The following SH3RF2 variants were observed in gnomAD, a reference collection of about 807,000 sequenced individuals.
SH3RF2 encodes the protein SH3 domain containing ring finger 2.
In SH3RF2, 43 loss-of-function variants were observed where a neutral mutation model predicts 59.0. The ratio of observed to expected loss-of-function variants is 0.73; its 90% CI spans 0.57 to 0.94. The LOEUF (loss-of-function observed/expected upper bound fraction) is 0.94, where lower values mean the gene tolerates loss of function less well. Ranked by LOEUF, SH3RF2 falls within the 40% of genes least tolerant of loss-of-function variation. The probability of loss-of-function intolerance (pLI) is 0.00; values close to 1 mark genes in which losing one functional copy is unlikely to be tolerated. For synonymous variants in SH3RF2, 391 were observed against 391.5 expected (o/e 1.00, Z 0.01); for missense variants, 930 against 940.1 (o/e 0.99, Z 0.14).
intron 5 of SH3RF2, among the ~76,000 whole-genome samples, chr5:146,038,875 G>A (rs11167927): frequency 0.28 from 43,150 of 152,186 alleles, 7,751 homozygotes; most frequent in Non-Finnish European, 0.38. Flanking sequence ...GAAGAAGATG[G>A]AATTTGGTTG....
intron 4 of SH3RF2, among the ~76,000 whole-genome samples, chr5:146,010,411 G>T (rs1353920963): frequency 6.6e-6 from 1 of 152,278 alleles, no homozygotes; most frequent in East Asian, 1.9e-4. Flanking sequence ...GGATGGCTGG[G>T]TCAAATGGTA....
At chr5:146,061,684 TAGG>T (rs1294331883) in intron 9 of SH3RF2, among the ~76,000 whole-genome samples, 3 of 152,104 alleles carry the variant, frequency 2.0e-5, no homozygotes, top group African/African-American at 7.2e-5. Flanking sequence ...TATAACAGGC[TAGG>T]AGATGTGAAA....
chr5:145,989,231 C>T (rs1015133638), intron 2 of SH3RF2, among the ~76,000 whole-genome samples: 5 of 152,176 alleles, frequency 3.3e-5, no homozygotes, highest in Admixed American at 3.3e-4. Context: ...AGTATGGAAC[C>T]TTTGTGTAAG....
At chr5:146,055,674 G>T in intron 7 of SH3RF2, 1 of 366,652 alleles carries the variant, frequency 2.7e-6, no homozygotes, top group Non-Finnish European at 4.9e-6. Context: ...AAAGGGATGT[G>T]GGGTGAGGAA....
intron 2 of SH3RF2, among the ~76,000 whole-genome samples, chr5:145,953,719 C>T (rs1758283982): frequency 6.6e-6 from 1 of 152,146 alleles, no homozygotes; most frequent in Admixed American, 6.5e-5. Context: ...TATCCTCCAC[C>T]TTCGAGTAGA....
Position 145,937,899 on chromosome 5 carries a change from T to A in SH3RF2, c.-30T>A, listed in dbSNP as rs745692208. 2 of 1,590,658 alleles carry A rather than the reference T, an allele frequency of 1.3e-6. No homozygotes were observed. The highest frequency in any genetic ancestry group is 1.7e-6 in the Non-Finnish European group (2 of 1,168,106). Reference sequence around the variant, plus strand: ...GACCCTACCATGTGGACGCTGCTCCTCCAGGTGGGAACTGGAGTTTTGAAA... The same window carrying A: ...GACCCTACCATGTGGACGCTGCTCCACCAGGTGGGAACTGGAGTTTTGAAA... On this transcript the variant is annotated 5_prime_UTR_variant, in exon 2 of 10. Coordinates refer to ENST00000359120, the MANE Select transcript of SH3RF2 (RefSeq NM_152550.4).
intron 2 of SH3RF2, among the ~76,000 whole-genome samples, chr5:145,957,414 T>C (rs561028908): frequency 6.6e-6 from 1 of 152,160 alleles, no homozygotes; most frequent in African/African-American, 2.4e-5. Flanking sequence ...TAAGAGTAAA[T>C]TGAAAGTGGA....
At position 146,074,298 on chromosome 5, in the gene SH3RF2, A is replaced by G. The variant is rs145065876; in HGVS notation, c.*34-4162A>G. 3.3e-5 allele frequency among the ~76,000 whole-genome samples: 5 copies of G among 152,268 alleles called. No individual in the cohort carries two copies. In the East Asian group the frequency reaches 9.6e-4, roughly 29 times the overall value. On this transcript the variant is annotated intron_variant, in intron 9 of 9. Transcript: ENST00000511217. ...TTTATCATACAATAAGTATTTGTTG[A>G]ATGAACAATTGGAGAATAAATGAAT...
In SH3RF2 at chr5:146,010,402, G is replaced by C. The variant is rs1014829574; in HGVS notation, c.745-3345G>C. Among the ~76,000 whole-genome samples, 3 of 152,162 alleles carry C rather than the reference G, an allele frequency of 2.0e-5. 1 individual carries two copies. Among genetic ancestry groups the C allele is most frequent in the African/African-American group, 7.2e-5 (3 of 41,428 alleles). ...CCTTTGGTTATATACCCAGTAATGG[G>C]ATGGCTGGGTCAAATGGTATTTCTA... is the stretch of plus-strand genomic sequence containing the variant. On this transcript the variant is annotated intron_variant, in intron 4 of 9. Transcript: ENST00000359120.
At position 146,056,181 on chromosome 5, in the gene SH3RF2, C is replaced by G; in HGVS notation, c.1523C>G (p.Ser508Cys). 6.2e-7 allele frequency: 1 copy of G among 1,614,204 alleles called. No homozygotes were observed. Among genetic ancestry groups the G allele is most frequent in the Non-Finnish European group, 8.5e-7 (1 of 1,180,034 alleles). ...TAGPGTLGQG[S>C]LRKGRSSMRK... ...GGCCCTGGGACTTTAGGACAAGGGTCTCTTCGGAAAGGGCGGAGCAGCATG... is the reference window on the plus strand; with the variant it reads ...GGCCCTGGGACTTTAGGACAAGGGTGTCTTCGGAAAGGGCGGAGCAGCATG... The change falls in exon 8 of 10, where the codon TCT becomes TGT. Residue 508 changes from serine (S) to cysteine (C), a missense_variant. Ser to Cys is a moderately radical substitution (Grantham distance 112). Coordinates refer to ENST00000359120, the MANE Select transcript of SH3RF2 (RefSeq NM_152550.4).
intron 5 of SH3RF2, among the ~76,000 whole-genome samples, chr5:146,016,066 C>T (rs1284636896): frequency 6.6e-6 from 1 of 152,136 alleles, no homozygotes; most frequent in African/African-American, 2.4e-5. Context: ...GTGCCTAGAC[C>T]CTAGCAGGTG....
intron 9 of SH3RF2, among the ~76,000 whole-genome samples, chr5:146,070,855 T>C (rs747452025): frequency 3.9e-5 from 6 of 152,288 alleles, no homozygotes; most frequent in Non-Finnish European, 8.8e-5. Context: ...TGCAGCCTGA[T>C]AAGGACTAAA....
exon 10 of SH3RF2, chr5:146,078,867 C>T (rs1234567578): frequency 6.6e-6 from 1 of 152,212 alleles, no homozygotes; most frequent in Non-Finnish European, 1.5e-5. Flanking sequence ...TCTGGCCTGT[C>T]TCTCCAGATC....
At chr5:146,028,163 A>AACACACACAC (rs10586561) in intron 5 of SH3RF2, among the ~76,000 whole-genome samples, 18 of 142,302 alleles carry the variant, frequency 1.3e-4, no homozygotes, top group African/African-American at 2.7e-4. Flanking sequence ...TGAGGCCTGC[A>AACACACACAC]ACACACACAC....
chr5:146,040,361 A>G (rs773449764), intron 5 of SH3RF2, among the ~76,000 whole-genome samples: 8 of 152,188 alleles, frequency 5.3e-5, no homozygotes, highest in Admixed American at 6.5e-5. Context: ...TTAATAACAA[A>G]GGGAAGTTAC....
intron 5 of SH3RF2, 83 bp from the exon 6 acceptor site, chr5:146,047,688 CT>C: frequency 1.5e-6 from 2 of 1,303,362 alleles, no homozygotes; most frequent in South Asian, 1.3e-5. Context: ...TGTGTCAGGT[CT>C]TTCTACGTAG....
Position 146,023,269 on chromosome 5 carries a change from C to A in SH3RF2, c.1059+9208C>A, listed in dbSNP as rs1376610456. 3.9e-5 allele frequency among the ~76,000 whole-genome samples: 6 copies of A among 152,012 alleles called. No individual in the cohort carries two copies. The East Asian group carries it at 9.7e-4, about 25-fold the overall frequency. ...TGCCACCCAGGCTGGAGTGTAGTGG[C>A]ATGATCTTGGCTCACTGCGACCTCC... On this transcript the variant is annotated intron_variant, in intron 5 of 9. Coordinates refer to ENST00000359120, the MANE Select transcript of SH3RF2 (RefSeq NM_152550.4).
At chr5:146,073,309 C>A (rs1763274388) in intron 9 of SH3RF2, among the ~76,000 whole-genome samples, 1 of 152,218 alleles carries the variant, frequency 6.6e-6, no homozygotes, top group African/African-American at 2.4e-5. Flanking sequence ...TGTGTGTACC[C>A]CAGAATGCAG....
chr5:146,053,407 T>A (rs558232510), intron 7 of SH3RF2, among the ~76,000 whole-genome samples: 1 of 152,220 alleles, frequency 6.6e-6, no homozygotes, highest in Non-Finnish European at 1.5e-5. Context: ...GTCTCCTCTA[T>A]TGTGTGTAGT....
Sources: allele counts gnomAD v4.1 joint callset (sites outside exome capture counted in the v4.1 genomes callset), GRCh38; gene constraint gnomAD v4.1.1; transcripts MANE v1.5; gene names NCBI Gene and HGNC (gene_info 2026-07-23, HGNC 2026-07-21).